Variants in MTMR4 observed in about 807,000 individuals in gnomAD.
The protein encoded by MTMR4 is myotubularin related protein 4.
Under a neutral mutation model 125.5 loss-of-function variants are expected in MTMR4, and 30 were observed. The ratio of observed to expected loss-of-function variants is 0.24; its 90% CI spans 0.18 to 0.32. MTMR4 has a LOEUF of 0.32. MTMR4 is among the 10% of genes least tolerant of loss of function. The pLI, the probability that MTMR4 is intolerant of heterozygous loss-of-function variation, is 1.00. For missense variants in MTMR4, 1,039 were observed against 1,511.5 expected (o/e 0.69, Z 5.18); for synonymous variants, 498 against 564.5 (o/e 0.88, Z 1.67).
At chr17:58,513,878 GA>G (rs1255579985) in intron 1 of MTMR4, 1 of 152,580 alleles carries the variant, frequency 6.6e-6, no homozygotes, top group Non-Finnish European at 1.5e-5. Flanking sequence ...CTGTCTGGGG[GA>G]CAGTCAAGGA....
At chr17:58,500,675 G>A (rs184257294) in intron 14 of MTMR4, among the ~76,000 whole-genome samples, 2 of 150,656 alleles carry the variant, frequency 1.3e-5, no homozygotes, top group African/African-American at 4.9e-5. Flanking sequence ...ACTTGAACCC[G>A]GGAGGCGGAG....
intron 14 of MTMR4, among the ~76,000 whole-genome samples, chr17:58,501,672 G>GTATA (rs545724278): frequency 6.6e-6 from 1 of 150,406 alleles, no homozygotes; most frequent in Admixed American, 6.7e-5. Context: ...ACATATATGT[G>GTATA]TATATATATA....
At position 58,493,162 on chromosome 17, in the gene MTMR4, CTAG is replaced by C. The variant is rs1975359370; in HGVS notation, c.3253-213_3253-211del. Among the ~76,000 whole-genome samples the C allele has an allele frequency of 2.0e-5, 3 of 152,310 alleles. No homozygotes were observed. In the South Asian group the frequency reaches 6.2e-4, roughly 32 times the overall value. On this transcript the variant is annotated intron_variant, in intron 15 of 17. Coordinates refer to ENST00000682306, the MANE Select transcript of MTMR4 (RefSeq NM_001378067.1). ...TACGTAGTAAAGCTGGGATTTGAAC[CTAG>C]TATTGTAGCTTCAGATTTACACTCT... is the stretch of plus-strand genomic sequence containing the variant.
rs1220075512 is a variant in MTMR4 at position 58,489,706 on chromosome 17, C to G, written c.*1957G>C. 1.3e-5 allele frequency: 2 copies of G among 152,376 alleles called. No homozygotes were observed. Among genetic ancestry groups the G allele is most frequent in the Admixed American group, 1.3e-4 (2 of 15,282 alleles). The allele number at this position is 152,376 out of a possible 1,614,324, so 9.4% of individuals were successfully genotyped here. A position where few individuals can be genotyped will look rare whatever the true frequency, so the allele number is the denominator to read the frequency against. On this transcript the variant is annotated 3_prime_UTR_variant, in exon 18 of 18. Transcript: ENST00000682306. ...CATCTGAGCCAAGAGCCCAGAGTCT[C>G]TCTCCAAGGCCATGCAGTTTGTTCA...
Position 58,508,376 on chromosome 17 carries a change from C to T in MTMR4, c.593+92G>A, listed in dbSNP as rs1309595194. On this transcript the variant is annotated intron_variant, in intron 6 of 17. Coordinates refer to ENST00000682306, the MANE Select transcript of MTMR4 (RefSeq NM_001378067.1). This position sits in a 1 kb window ranked among gnomAD's most constrained non-coding sequence, Gnocchi z 4.8. Reference sequence around the variant, plus strand: ...GGGAAGAGAAACCATGAGCCTTCCTCCCTCTCAGACTCAGAAGCTGTGCCC... The same window carrying T: ...GGGAAGAGAAACCATGAGCCTTCCTTCCTCTCAGACTCAGAAGCTGTGCCC... 6.5e-7 allele frequency: 1 copy of T among 1,539,258 alleles called. No individual in the cohort carries two copies. The highest frequency in any genetic ancestry group is 2.3e-5 in the East Asian group (1 of 44,432).
Position 58,495,097 on chromosome 17 carries a change from G to A in MTMR4, c.3087C>T (p.Pro1029=). Residue 1029 remains proline (P), a synonymous_variant, in exon 15 of 18, where the codon CCC becomes CCT. Transcript: ENST00000682306. Reference sequence around the variant, plus strand: ...TATGCTGGATCACATCCGTGGGAAAGGGGAGTCCATCATCATCCAAATACA... The same window carrying A: ...TATGCTGGATCACATCCGTGGGAAAAGGGAGTCCATCATCATCCAAATACA... ...PPLYLDDDGL[P]FPTDVIQHRL... 1.2e-6 allele frequency: 2 copies of A among 1,614,210 alleles called. No homozygotes were observed. Among genetic ancestry groups the A allele is most frequent in the South Asian group, 2.2e-5 (2 of 91,086 alleles).
At chr17:58,505,071 T>G in intron 10 of MTMR4, 97 bp from the exon 11 acceptor site, 1 of 1,238,578 alleles carries the variant, frequency 8.1e-7, no homozygotes, top group Non-Finnish European at 1.1e-6. Flanking sequence ...AAAGTCCCCA[T>G]TGAGAACTGA....
upstream of MTMR4, chr17:58,516,700 T>A (rs1567940701): frequency 4.2e-6 from 5 of 1,201,042 alleles, no homozygotes; most frequent in Admixed American, 1.7e-5. Context: ...CATCTACCCC[T>A]GACCTTCTCT....
At position 58,495,857 on chromosome 17, in the gene MTMR4, C is replaced by A. The variant is rs1486635082; in HGVS notation, c.2327G>T (p.Ser776Ile). Residue 776 changes from serine to isoleucine, a missense_variant, in exon 15 of 18, where the codon AGT becomes ATT. Ser to Ile is a moderately radical substitution (Grantham distance 142, BLOSUM62 -2). Transcript: ENST00000682306. The part of the protein sequence containing the change: ...PEHCPETEAV[S>I]ALSKVISNKC... ...GTTAGAAATGACCTTGGAGAGTGCACTGACAGCTTCTGTTTCAGGACAATG... is the reference window on the plus strand; with the variant it reads ...GTTAGAAATGACCTTGGAGAGTGCAATGACAGCTTCTGTTTCAGGACAATG... The A allele has an allele frequency of 1.2e-6, 2 of 1,614,132 alleles. No individual in the cohort carries two copies. Among genetic ancestry groups the A allele is most frequent in the Admixed American group, 1.7e-5 (1 of 60,008 alleles).
chr17:58,515,046 T>TC, upstream of MTMR4: 1 of 985,332 alleles, frequency 1.0e-6, no homozygotes, highest in South Asian at 4.7e-5. Flanking sequence ...AACCTTTCTT[T>TC]CCCCTTAGAA....
At chr17:58,516,451 G>T, upstream of MTMR4, 1 of 957,330 alleles carries the variant, frequency 1.0e-6, no homozygotes. Context: ...CTCCAGGGCA[G>T]ATGAACATGT....
upstream of MTMR4, among the ~76,000 whole-genome samples, chr17:58,515,879 A>G (rs769715027): frequency 4.6e-5 from 7 of 152,228 alleles, no homozygotes; most frequent in Non-Finnish European, 8.8e-5. Flanking sequence ...AGATACTACC[A>G]GGTTAAGGGC....
At chr17:58,514,116 A>C (rs1415146634) in intron 1 of MTMR4, 1 of 172,264 alleles carries the variant, frequency 5.8e-6, no homozygotes, top group Admixed American at 6.5e-5. Flanking sequence ...AGAGATCTGC[A>C]GTCAAGGGCA....
chr17:58,507,001 G>A (rs750307645), intron 8 of MTMR4, 122 bp downstream of exon 8: 28 of 1,549,170 alleles, frequency 1.8e-5, no homozygotes, highest in Non-Finnish European at 2.5e-5. Context: ...TTCTGACAAG[G>A]CAGGGACCCC....
At chr17:58,496,704 A>C (rs1598213596) in intron 14 of MTMR4, among the ~76,000 whole-genome samples, 1 of 152,158 alleles carries the variant, frequency 6.6e-6, no homozygotes, top group East Asian at 1.9e-4. Context: ...CAAACCCAAT[A>C]TCCCACTGCC....
upstream of MTMR4, chr17:58,516,433 T>G (rs1380750718): frequency 2.4e-6 from 2 of 835,386 alleles, no homozygotes; most frequent in Non-Finnish European, 2.0e-6. Flanking sequence ...AAAGAAACCC[T>G]AATTTATCTC....
rs758464379 is a variant in MTMR4 at position 58,495,334 on chromosome 17, C to T, written c.2850G>A (p.Arg950=). The change falls in exon 15 of 18, where the codon AGG becomes AGA. Residue 950 remains arginine (R), a synonymous_variant. Coordinates refer to ENST00000682306, the MANE Select transcript of MTMR4 (RefSeq NM_001378067.1). ...TGGCCCGCATCTGCTTACTGTTTGGCCTCTTGCTACAACAGCCATAGGAAA... is the reference window on the plus strand; with the variant it reads ...TGGCCCGCATCTGCTTACTGTTTGGTCTCTTGCTACAACAGCCATAGGAAA... ...RLLSYGCCSK[R]PNSKQMRATG... is the part of the protein sequence containing the mutation. 6.2e-7 allele frequency: 1 copy of T among 1,614,224 alleles called. No homozygotes were observed. The highest frequency in any genetic ancestry group is 1.1e-5 in the South Asian group (1 of 91,088).
chr17:58,506,676 C>T (rs1464591578), intron 9 of MTMR4, 67 bp downstream of exon 9: 4 of 1,582,328 alleles, frequency 2.5e-6, no homozygotes, highest in Non-Finnish European at 3.4e-6. Context: ...AAATGGCCCC[C>T]AACCCCCTCC....
At position 58,512,480 on chromosome 17, in the gene MTMR4, C is replaced by T. The variant is rs527851321; in HGVS notation, c.162G>A (p.Glu54=). The T allele has an allele frequency of 1.2e-6, 2 of 1,614,156 alleles. No individual in the cohort carries two copies. The highest frequency in any genetic ancestry group is 2.2e-5 in the South Asian group (2 of 91,086). ...LQVPFTVLQG[E]GVEFLGRAAD... is the part of the protein sequence containing the mutation. ...CTGCCCGGCCCAGGAACTCTACTCCCTCACCCTGCAGCACTGTGAAGGGGA... is the reference window on the plus strand; with the variant it reads ...CTGCCCGGCCCAGGAACTCTACTCCTTCACCCTGCAGCACTGTGAAGGGGA... The change falls in exon 3 of 18, where the codon GAG becomes GAA. Residue 54 remains glutamate, a synonymous_variant. Coordinates refer to ENST00000682306, the MANE Select transcript of MTMR4 (RefSeq NM_001378067.1). The surrounding 1 kb of genome is among the most constrained non-coding windows in gnomAD (Gnocchi z 4.1).
Sources: gnomAD v4.1 joint callset for allele counts (sites outside exome capture counted in the v4.1 genomes callset) on GRCh38, gnomAD v4.1.1 for gene constraint, Gnocchi (gnomAD v3.1) non-coding constraint, MANE v1.5 for transcripts, NCBI Gene and HGNC (gene_info 2026-07-23, HGNC 2026-07-21) for gene names.